ORAI2: variants seen among roughly 807,000 people sequenced by gnomAD.
The protein encoded by ORAI2 is ORAI calcium release-activated calcium modulator 2.
In ORAI2, 10 loss-of-function variants were observed where a neutral mutation model predicts 16.2. The observed-to-expected ratio is 0.62, with a 90% CI of 0.38 to 1.04. The LOEUF is 1.04. ORAI2 is among the 50% of genes least tolerant of loss of function. ORAI2 has a pLI of 0.01. For synonymous variants in ORAI2, 150 were observed against 157.5 expected (o/e 0.95, Z 0.35); for missense variants, 238 against 355.5 (o/e 0.67, Z 2.66).
Position 102,448,399 on chromosome 7 carries a change from TC to T in ORAI2, c.*1348del, listed in dbSNP as rs1461765818. The T allele has an allele frequency of 6.6e-6, 1 of 152,232 alleles. No homozygotes were observed. Among genetic ancestry groups the T allele is most frequent in the African/African-American group, 2.4e-5 (1 of 41,424 alleles). 9.4% of individuals were successfully genotyped at this position (152,232 alleles called of 1,614,324 possible). A position where few individuals can be genotyped will look rare whatever the true frequency, so the allele number is the denominator to read the frequency against. ...AACCTGGAGAGTCAGCCATGCCTTG[TC>T]TTTTGTTCTCATAAATAGTCACTGG... On this transcript the variant is annotated 3_prime_UTR_variant, in exon 4 of 4. Coordinates refer to ENST00000495936, the MANE Select transcript of ORAI2 (RefSeq NM_001126340.3).
intron 3 of ORAI2, among the ~76,000 whole-genome samples, chr7:102,445,697 C>T (rs1797333952): frequency 6.6e-6 from 1 of 151,368 alleles, no homozygotes; most frequent in African/African-American, 2.4e-5. Context: ...CTCCCAGCAG[C>T]CTGGAATTCC....
In ORAI2 at chr7:102,455,593, C is replaced by G. The variant is rs1387043350; in HGVS notation, c.*8541C>G. On this transcript the variant is annotated 3_prime_UTR_variant, in exon 4 of 4. Coordinates refer to ENST00000495936, the MANE Select transcript of ORAI2 (RefSeq NM_001126340.3). ...AGGGGCCAGCCCAGCCTGTCAGGGG[C>G]AGAGACCCTGCACTGGCCCCCTCGA... The G allele has an allele frequency of 1.3e-5, 2 of 152,292 alleles. No individual in the cohort carries two copies. The allele number at this position is 152,292 out of a possible 1,614,324, so 9.4% of individuals were successfully genotyped here. A position where few individuals can be genotyped will look rare whatever the true frequency, so the allele number is the denominator to read the frequency against.
intron 3 of ORAI2, among the ~76,000 whole-genome samples, chr7:102,439,730 C>T (rs1249716204): frequency 6.6e-6 from 1 of 151,960 alleles, no homozygotes; most frequent in African/African-American, 2.4e-5. Flanking sequence ...CACGACTGCA[C>T]TCCAGCCTGG....
rs532347620 is a variant in ORAI2, at chr7:102,454,271, A to C, written c.*7219A>C. ...TACCCGGGCTTGGTGGCTCGTGCCT[A>C]TAGTCCCAGCTACTGGGGAGGCTGA... On this transcript the variant is annotated 3_prime_UTR_variant, in exon 4 of 4. Coordinates refer to ENST00000495936, the MANE Select transcript of ORAI2 (RefSeq NM_001126340.3). The C allele has an allele frequency of 1.3e-5, 2 of 152,350 alleles. No homozygotes were observed. Among genetic ancestry groups the C allele is most frequent in the African/African-American group, 2.4e-5 (1 of 41,572 alleles). 9.4% of individuals were successfully genotyped at this position (152,350 alleles called of 1,614,324 possible).
At position 102,454,588 on chromosome 7, in the gene ORAI2, CG is replaced by C. The variant is rs1412610931; in HGVS notation, c.*7538del. On this transcript the variant is annotated 3_prime_UTR_variant, in exon 4 of 4. Coordinates refer to ENST00000495936, the MANE Select transcript of ORAI2 (RefSeq NM_001126340.3). ...CCTGCCACTCTGAGCAAACAGGCAACGGTGTTTCCTGAACATCTTTCTGAAG... is the reference window on the plus strand; with the variant it reads ...CCTGCCACTCTGAGCAAACAGGCAACGTGTTTCCTGAACATCTTTCTGAAG... 1.3e-5 allele frequency: 2 copies of C among 153,344 alleles called. No individual in the cohort carries two copies. Among genetic ancestry groups the C allele is most frequent in the Non-Finnish European group, 2.9e-5 (2 of 68,114 alleles). 9.5% of individuals were successfully genotyped at this position (153,344 alleles called of 1,614,324 possible).
rs941311879 is a variant in ORAI2, at chr7:102,443,308, G to A, written c.226-3205G>A. Reference sequence around the variant, plus strand: ...TTTTTTTTTTGAGACGGAATCTTGCGCTGTCTGTCGCCCAGGCTGGAGTGC... The same window carrying A: ...TTTTTTTTTTGAGACGGAATCTTGCACTGTCTGTCGCCCAGGCTGGAGTGC... On this transcript the variant is annotated intron_variant, in intron 3 of 3. Transcript: ENST00000495936. Among the ~76,000 whole-genome samples, 51 of 138,938 alleles carry A rather than the reference G, an allele frequency of 3.7e-4. 1 individual carries two copies. The highest frequency in any genetic ancestry group is 1.3e-3 in the African/African-American group (49 of 36,812). The allele number at this position is 138,938 out of a possible 152,430, so 91.1% of individuals were successfully genotyped here.
At chr7:102,434,386 A>G (rs1797009527) in intron 1 of ORAI2, among the ~76,000 whole-genome samples, 1 of 152,158 alleles carries the variant, frequency 6.6e-6, no homozygotes, top group Admixed American at 6.5e-5. Context: ...CTCAAGACCC[A>G]GCTCCAGGCA....
intron 1 of ORAI2, among the ~76,000 whole-genome samples, chr7:102,434,121 C>CAAA (rs55642836): frequency 1.3e-4 from 9 of 67,010 alleles, no homozygotes; most frequent in African/African-American, 2.8e-4. Flanking sequence ...CTCATTAAAG[C>CAAA]AAAAAAAAAA....
rs185291449 is a variant in ORAI2 at position 102,446,813 on chromosome 7, G to A, written c.526G>A (p.Val176Met). The change falls in exon 4 of 4, where the codon GTG becomes ATG. Residue 176 changes from valine (V) to methionine (M), a missense_variant. Around this residue, in one of 3 missense-constraint regions of ORAI2, gnomAD observed 176 missense variants for 265.9 expected, o/e 0.66. Coordinates refer to ENST00000495936, the MANE Select transcript of ORAI2 (RefSeq NM_001126340.3). ...VLLCWIKFLP[V>M]DARRQPGPPP... ...GCTCTGCTGGATCAAGTTCCTCCCC[G>A]TGGATGCCCGGCGCCAGCCTGGCCC... is the stretch of plus-strand genomic sequence containing the variant. 3.5e-5 allele frequency: 56 copies of A among 1,613,974 alleles called. No individual in the cohort carries two copies. The highest frequency in any genetic ancestry group is 1.4e-4 in the South Asian group (13 of 91,084).
At chr7:102,439,886 C>G (rs1338372775) in intron 3 of ORAI2, among the ~76,000 whole-genome samples, 3 of 152,034 alleles carry the variant, frequency 2.0e-5, no homozygotes, top group African/African-American at 7.2e-5. Flanking sequence ...TCGAGACCAG[C>G]CTGGCCAACA....
intron 3 of ORAI2, among the ~76,000 whole-genome samples, chr7:102,445,291 TTTTTTG>T (rs1160184150): frequency 1.3e-4 from 15 of 118,768 alleles, no homozygotes; most frequent in Non-Finnish European, 1.9e-4. Flanking sequence ...TCAGTTTCCG[TTTTTTG>T]TTTTTTTTTT....
chr7:102,446,469 T>C, intron 3 of ORAI2, 44 bp from the exon 4 acceptor site: 2 of 1,561,810 alleles, frequency 1.3e-6, no homozygotes. Flanking sequence ...GGGCCATACC[T>C]TGCCCTCTCC....
rs1184595568 is a variant in ORAI2, at chr7:102,449,561, G to A, written c.*2509G>A. 1 of 152,140 alleles carries A rather than the reference G, an allele frequency of 6.6e-6. No homozygotes were observed. Among genetic ancestry groups the A allele is most frequent in the Non-Finnish European group, 1.5e-5 (1 of 68,042 alleles). 9.4% of individuals were successfully genotyped at this position (152,140 alleles called of 1,614,324 possible). ...TCTCTAGCAAAAATACAAAAAATTA[G>A]CCGGGTATGGTGGCGGGTACCTGTA... On this transcript the variant is annotated 3_prime_UTR_variant, in exon 4 of 4. Transcript: ENST00000495936.
intron 3 of ORAI2, among the ~76,000 whole-genome samples, chr7:102,445,512 T>TG (rs1416593669): frequency 6.6e-6 from 1 of 152,052 alleles, no homozygotes; most frequent in Non-Finnish European, 1.5e-5. Flanking sequence ...TGTAGTGGTG[T>TG]GATCATAGCT....
rs534192555 is a variant in ORAI2, at chr7:102,446,557, G to A, written c.270G>A (p.Pro90=). 2.7e-5 allele frequency: 43 copies of A among 1,612,558 alleles called. No individual in the cohort carries two copies. The highest frequency in any genetic ancestry group is 1.2e-4 in the African/African-American group (9 of 75,054). The change falls in exon 4 of 4, where the codon CCG becomes CCA. Residue 90 remains proline (P), a synonymous_variant. Transcript: ENST00000495936. ...AGCTGGAGACGCAGTACCAGTACCCGCGGCCGCTGCTGATTGCCTTCAGCG... is the reference window on the plus strand; with the variant it reads ...AGCTGGAGACGCAGTACCAGTACCCACGGCCGCTGCTGATTGCCTTCAGCG... ...EVQLETQYQY[P]RPLLIAFSAC...
chr7:102,434,958 A>G (rs1396799417), intron 1 of ORAI2, among the ~76,000 whole-genome samples: 2 of 152,162 alleles, frequency 1.3e-5, no homozygotes, highest in Non-Finnish European at 1.5e-5. Flanking sequence ...CTTTGAGGAA[A>G]GGTCCCTCTT....
chr7:102,433,896 G>A lies in ORAI2; in HGVS notation c.-123+235G>A, dbSNP rs933961400. Reference sequence around the variant, plus strand: ...TTCCGGACACCGGGGCGTCCCTGGGGGAGGGACAGGGATGCAGCCTAGCGC... The same window carrying A: ...TTCCGGACACCGGGGCGTCCCTGGGAGAGGGACAGGGATGCAGCCTAGCGC... On this transcript the variant is annotated intron_variant, in intron 1 of 3. Coordinates refer to ENST00000495936, the MANE Select transcript of ORAI2 (RefSeq NM_001126340.3). The surrounding 1 kb of genome is among the most constrained non-coding windows in gnomAD (Gnocchi z 4.6). 6.6e-6 allele frequency among the ~76,000 whole-genome samples: 1 copy of A among 151,946 alleles called. No individual in the cohort carries two copies. Among genetic ancestry groups the A allele is most frequent in the Admixed American group, 6.5e-5 (1 of 15,280 alleles).
In ORAI2 at chr7:102,447,001, C is replaced by T; in HGVS notation, c.714C>T (p.His238=). 1.3e-6 allele frequency: 2 copies of T among 1,582,536 alleles called. No homozygotes were observed. The highest frequency in any genetic ancestry group is 2.3e-5 in the East Asian group (1 of 43,048). The change falls in exon 4 of 4, where the codon CAC becomes CAT. Residue 238 remains histidine, a synonymous_variant. Transcript: ENST00000495936. Reference sequence around the variant, plus strand: ...ACAACCGCGAGATCGAGGAGCTCCACAAGCTCAAGGTCCAGCTGGACGGGC... The same window carrying T: ...ACAACCGCGAGATCGAGGAGCTCCATAAGCTCAAGGTCCAGCTGGACGGGC... The part of the protein sequence containing the change: ...ERHNREIEEL[H]KLKVQLDGHE...
intron 3 of ORAI2, among the ~76,000 whole-genome samples, chr7:102,443,116 CTTCTTCTTCTTCTTCTTTT>C (rs1351471877): frequency 9.5e-4 from 130 of 136,374 alleles, no homozygotes; most frequent in African/African-American, 4.0e-3. Flanking sequence ...TCTTCTTCTT[CTTCTTCTTCTTCTTCTTTT>C]TTTTTTTTTT....
Sources: gnomAD v4.1 joint callset for allele counts (sites outside exome capture counted in the v4.1 genomes callset) on GRCh38, gnomAD v4.1.1 for gene constraint, gnomAD v4.1.1 regional missense constraint, Gnocchi (gnomAD v3.1) non-coding constraint, MANE v1.5 for transcripts, NCBI Gene and HGNC (gene_info 2026-07-23, HGNC 2026-07-21) for gene names.